The following ASAP1 variants were observed in gnomAD, a reference collection of about 807,000 sequenced individuals.
The protein encoded by ASAP1 is arf-GAP with SH3 domain, ANK repeat and PH domain-containing protein 1.
ASAP1 carries 43 observed loss-of-function variants against 145.2 expected under a neutral mutation model. That is an observed-to-expected ratio of 0.30 (90% CI 0.23 to 0.38). ASAP1 has a LOEUF of 0.38. Among genes scored for constraint, ASAP1 ranks in the 10% least tolerant of loss-of-function variants. The pLI is 1.00. For synonymous variants in ASAP1, 546 were observed against 515.5 expected, an observed-to-expected ratio of 1.06 and a Z score of -0.80; for missense variants, 1,018 against 1,355.3, an observed-to-expected ratio of 0.75 and a Z score of 3.91.
intron 24 of ASAP1, among the ~76,000 whole-genome samples, chr8:130,107,183 C>CTTTTTT (rs34978580): frequency 6.7e-5 from 8 of 119,672 alleles, no homozygotes; most frequent in African/African-American, 1.3e-4. Flanking sequence ...TCTTCTTCTT[C>CTTTTTT]TTTTTTTTTT....
chr8:130,289,328 A>G (rs1821813063), intron 3 of ASAP1, among the ~76,000 whole-genome samples: 1 of 152,258 alleles, frequency 6.6e-6, no homozygotes, highest in Non-Finnish European at 1.5e-5. Flanking sequence ...AAAAAGCATC[A>G]GTGTGTTCAC....
At chr8:130,374,329 A>AT (rs1169495962) in intron 2 of ASAP1, among the ~76,000 whole-genome samples, 1 of 152,248 alleles carries the variant, frequency 6.6e-6, no homozygotes, top group Non-Finnish European at 1.5e-5. Context: ...ATTGTTTTCC[A>AT]TGAAGCTAAT....
chr8:130,220,953 T>C (rs1400402667), intron 4 of ASAP1, among the ~76,000 whole-genome samples: 1 of 152,142 alleles, frequency 6.6e-6, no homozygotes, highest in Non-Finnish European at 1.5e-5. Context: ...ACCACCCCCA[T>C]GATTCAATAA....
rs747638941 is a variant in ASAP1 at position 130,054,800 on chromosome 8, G to C, written c.3321C>G (p.Gly1107=). 3 of 1,613,182 alleles carry C rather than the reference G, an allele frequency of 1.9e-6. No homozygotes were observed. The highest frequency in any genetic ancestry group is 2.5e-6 in the Non-Finnish European group (3 of 1,179,300). ...TCCTTTCAGGCTGTCCTTCGATGTG[G>C]CCAATCTGCAGGGAGAAAAGAGAGT... ...TGEEDQEWWI[G]HIEGQPERKG... Residue 1107 remains glycine, a synonymous_variant, in exon 30 of 30, where the codon GGC becomes GGG. Coordinates refer to ENST00000518721, the MANE Select transcript of ASAP1 (RefSeq NM_018482.4).
At chr8:130,377,596 G>A (rs1827565697) in intron 2 of ASAP1, among the ~76,000 whole-genome samples, 1 of 152,218 alleles carries the variant, frequency 6.6e-6, no homozygotes, top group African/African-American at 2.4e-5. Context: ...TATGCAGATG[G>A]CCTGCCAGGC....
intron 8 of ASAP1, among the ~76,000 whole-genome samples, chr8:130,179,921 T>C (rs745490522): frequency 6.7e-6 from 1 of 149,974 alleles, no homozygotes; most frequent in Non-Finnish European, 1.5e-5. Flanking sequence ...AAAAGGTTCA[T>C]GAGCACACAA....
intron 24 of ASAP1, among the ~76,000 whole-genome samples, chr8:130,109,649 T>TG (rs570003500): frequency 6.6e-6 from 1 of 151,844 alleles, no homozygotes; most frequent in Non-Finnish European, 1.5e-5. Flanking sequence ...CAGAAGGAAA[T>TG]GAAAAAAAAC....
chr8:130,365,160 C>A (rs984574382), intron 2 of ASAP1, among the ~76,000 whole-genome samples: 1 of 152,166 alleles, frequency 6.6e-6, no homozygotes, highest in African/African-American at 2.4e-5. Context: ...CAAGCACCAT[C>A]TCCTGAAATC....
intron 3 of ASAP1, among the ~76,000 whole-genome samples, chr8:130,272,161 C>A (rs1820623873): frequency 6.6e-6 from 1 of 151,534 alleles, no homozygotes; most frequent in South Asian, 2.1e-4. Flanking sequence ...AAGACTCTGT[C>A]TCAAAAAACA....
rs1480077784 is a variant in ASAP1, at chr8:130,341,070, G to A, written c.186+16947C>T. On this transcript the variant is annotated intron_variant, in intron 3 of 29. Transcript: ENST00000518721. ...TGATACAGTAACACCACGTGGCTGT[G>A]AGGGTGCTTACAGATCAAATTAAGT... 8.2e-6 allele frequency: 3 copies of A among 365,312 alleles called. No homozygotes were observed. The Admixed American group carries it at 1.1e-4, about 13-fold the overall frequency. The allele number at this position is 365,312 out of a possible 1,614,324, so 22.6% of individuals were successfully genotyped here.
intron 3 of ASAP1, among the ~76,000 whole-genome samples, chr8:130,291,936 C>T (rs1383029280): frequency 1.3e-5 from 2 of 152,176 alleles, no homozygotes; most frequent in African/African-American, 4.8e-5. Context: ...GCAGCTGCGC[C>T]TGATGCTTGT....
intron 3 of ASAP1, among the ~76,000 whole-genome samples, chr8:130,269,296 C>T (rs1216268057): frequency 6.6e-6 from 1 of 152,186 alleles, no homozygotes; most frequent in South Asian, 2.1e-4. Flanking sequence ...ACCCACACAC[C>T]CAGAGAGAGA....
In ASAP1 at chr8:130,309,534, T is replaced by C. The variant is rs145216276; in HGVS notation, c.186+48483A>G. 4.3e-3 allele frequency among the ~76,000 whole-genome samples: 655 copies of C among 152,266 alleles called. 3 individuals are homozygous for C. Among genetic ancestry groups the C allele is most frequent in the Non-Finnish European group, 6.4e-3 (434 of 68,026 alleles). On this transcript the variant is annotated intron_variant, in intron 3 of 29. Coordinates refer to ENST00000518721, the MANE Select transcript of ASAP1 (RefSeq NM_018482.4). ...AACTGCTGCTGCAGATGAGGCAAGATAAGCAGTGAGGCAAGACAGAGGCGT... is the reference window on the plus strand; with the variant it reads ...AACTGCTGCTGCAGATGAGGCAAGACAAGCAGTGAGGCAAGACAGAGGCGT...
chr8:130,207,938 T>C (rs1261674066), intron 5 of ASAP1, among the ~76,000 whole-genome samples: 2 of 152,222 alleles, frequency 1.3e-5, no homozygotes, highest in Non-Finnish European at 2.9e-5. Flanking sequence ...TGCAGATCAG[T>C]TGGCTCAAAG....
At chr8:130,131,603 G>GAAAAAA (rs1159191172) in intron 15 of ASAP1, among the ~76,000 whole-genome samples, 42 of 63,078 alleles carry the variant, frequency 6.7e-4, no homozygotes, top group African/African-American at 1.9e-3. Flanking sequence ...CATGGCTACT[G>GAAAAAA]AAAAAAAAAA....
At position 130,194,687 on chromosome 8, in the gene ASAP1, AAG is replaced by A. The variant is rs1459076206; in HGVS notation, c.406-6506_406-6505del. ...GATCACCAGGCATTAGATTCTCATAAAGAGTGTTCAACCTAAGTCCCTCACAT... is the reference window on the plus strand; with the variant it reads ...GATCACCAGGCATTAGATTCTCATAAAGTGTTCAACCTAAGTCCCTCACAT... On this transcript the variant is annotated intron_variant, in intron 5 of 29. Transcript: ENST00000518721. Among the ~76,000 whole-genome samples, 4 of 152,226 alleles carry A rather than the reference AAG, an allele frequency of 2.6e-5. No individual in the cohort carries two copies. In the East Asian group the frequency reaches 7.7e-4, roughly 29 times the overall value.
In ASAP1 at chr8:130,187,271, T is replaced by G; in HGVS notation, c.495A>C (p.Pro165=). ...CATAATCTTTCCAGGCTTTGTCAAA[T>G]GGCTTCTTGAGATCCTTAGAAACGA... ...LKGVKGDLKK[P]FDKAWKDYET... Residue 165 remains proline (P), a synonymous_variant, in exon 7 of 30, where the codon CCA becomes CCC. Transcript: ENST00000518721. 1 of 1,610,432 alleles carries G rather than the reference T, an allele frequency of 6.2e-7. No individual in the cohort carries two copies. The highest frequency in any genetic ancestry group is 8.5e-7 in the Non-Finnish European group (1 of 1,179,068).
At chr8:130,055,966 C>T (rs185638941) in intron 29 of ASAP1, among the ~76,000 whole-genome samples, 62 of 152,254 alleles carry the variant, frequency 4.1e-4, no homozygotes, top group African/African-American at 1.3e-3. Context: ...TTACATCTGG[C>T]GAGGCACGTA....
At chr8:130,068,650 C>A (rs542610624) in intron 27 of ASAP1, among the ~76,000 whole-genome samples, 24 of 152,322 alleles carry the variant, frequency 1.6e-4, no homozygotes, top group Non-Finnish European at 2.9e-4. Flanking sequence ...ACACAGGAGG[C>A]TATTCCTGCG....
Sources: allele counts gnomAD v4.1 joint callset (sites outside exome capture counted in the v4.1 genomes callset), GRCh38; gene constraint gnomAD v4.1.1; transcripts MANE v1.5; gene names NCBI Gene and HGNC (gene_info 2026-07-23, HGNC 2026-07-21).